Variants in JHY observed in about 807,000 individuals in gnomAD.
JHY encodes jhy protein homolog.
Under a neutral mutation model 78.0 loss-of-function variants are expected in JHY, and 69 were observed. The ratio of observed to expected loss-of-function variants is 0.88; its 90% CI spans 0.73 to 1.08. The LOEUF is 1.08. JHY is among the 50% of genes least tolerant of loss of function. JHY has a pLI of 0.00. For missense variants in JHY, 944 were observed against 927.8 expected (o/e 1.02, Z -0.23); for synonymous variants, 368 against 342.6 (o/e 1.07, Z -0.82).
At position 122,959,604 on chromosome 11, in the gene JHY, T is replaced by C; in HGVS notation, c.*159T>C. The C allele has an allele frequency of 3.0e-6, 2 of 659,888 alleles. No homozygotes were observed. Among genetic ancestry groups the C allele is most frequent in the Non-Finnish European group, 2.5e-6 (1 of 400,816 alleles). The allele number at this position is 659,888 out of a possible 1,614,324, so 40.9% of individuals were successfully genotyped here. On this transcript the variant is annotated 3_prime_UTR_variant, in exon 9 of 9. Coordinates refer to ENST00000227349, the MANE Select transcript of JHY (RefSeq NM_024806.4). ...CAGGATTTAAAATATGAGGCCCAAT[T>C]GGATTATGGTGCCATATTTTACTTT...
rs143136844 is a variant in JHY, at chr11:122,897,045, C to T, written c.345-6880C>T. The stretch of plus-strand genomic sequence containing the variant: ...CTAATTTTTGTATTTTTAGTAGAGA[C>T]GGGGTTTCACCATGTTGGCCGTGCT... On this transcript the variant is annotated intron_variant, in intron 2 of 8. Transcript: ENST00000227349. 7.2e-3 allele frequency among the ~76,000 whole-genome samples: 1,093 copies of T among 150,778 alleles called. 13 individuals are homozygous for T. Among genetic ancestry groups the T allele is most frequent in the Non-Finnish European group, 0.011 (774 of 67,690 alleles).
Position 122,961,527 on chromosome 11 carries a change from A to G in JHY, c.*2082A>G, listed in dbSNP as rs1000191730. On this transcript the variant is annotated 3_prime_UTR_variant, in exon 9 of 9. Transcript: ENST00000227349. ...GCACTACCACGCCCGGCTAATTTTT[A>G]TACTTTTAGTAGAGGCAGGGTTTCG... Among the ~76,000 whole-genome samples, 1 of 152,000 alleles carries G rather than the reference A, an allele frequency of 6.6e-6. No individual in the cohort carries two copies. Among genetic ancestry groups the G allele is most frequent in the Non-Finnish European group, 1.5e-5 (1 of 67,992 alleles).
intron 4 of JHY, among the ~76,000 whole-genome samples, chr11:122,927,462 A>C (rs1435632103): frequency 6.6e-6 from 1 of 152,174 alleles, no homozygotes; most frequent in East Asian, 1.9e-4. Context: ...TGGACTGCCC[A>C]CTGCATGCTA....
rs1292505530 is a variant in JHY, at chr11:122,916,791, A to G, written c.865-8106A>G. Among the ~76,000 whole-genome samples, 6 of 152,150 alleles carry G rather than the reference A, an allele frequency of 3.9e-5. No individual in the cohort carries two copies. In the East Asian group the frequency reaches 7.7e-4, roughly 20 times the overall value. ...GTAGCTGGGATTACAGGCGCCTGCC[A>G]TGACGCCCAGCTAAATTTTGTATTT... On this transcript the variant is annotated intron_variant, in intron 3 of 8. Transcript: ENST00000227349.
intron 5 of JHY, among the ~76,000 whole-genome samples, chr11:122,942,336 T>G (rs187248226): frequency 6.6e-6 from 1 of 152,308 alleles, no homozygotes; most frequent in Non-Finnish European, 1.5e-5. Context: ...TTGGTTTTGT[T>G]TTCTCTTTTA....
intron 6 of JHY, among the ~76,000 whole-genome samples, chr11:122,948,273 G>A (rs1471011915): frequency 4.0e-5 from 6 of 151,696 alleles, no homozygotes; most frequent in East Asian, 1.9e-4. Flanking sequence ...GTGAAACTCC[G>A]TCTCTACTAA....
At chr11:122,930,182 G>A (rs1863606853) in intron 4 of JHY, among the ~76,000 whole-genome samples, 1 of 152,200 alleles carries the variant, frequency 6.6e-6, no homozygotes, top group African/African-American at 2.4e-5. Context: ...CCAGGTGCAA[G>A]CGATTCTCCT....
intron 2 of JHY, among the ~76,000 whole-genome samples, chr11:122,889,087 A>G (rs1006917975): frequency 6.6e-6 from 1 of 152,180 alleles, no homozygotes; most frequent in African/African-American, 2.4e-5. Flanking sequence ...AGTGCCTGCA[A>G]GTTACCAGTC....
At chr11:122,928,553 G>GAAAA (rs370330908) in intron 4 of JHY, among the ~76,000 whole-genome samples, 1 of 136,284 alleles carries the variant, frequency 7.3e-6, no homozygotes, top group Non-Finnish European at 1.6e-5. Context: ...AAGATACGGG[G>GAAAA]AAAAAAAAAA....
intron 3 of JHY, among the ~76,000 whole-genome samples, chr11:122,911,028 T>A (rs532752620): frequency 6.6e-6 from 1 of 152,332 alleles, no homozygotes; most frequent in African/African-American, 2.4e-5. Flanking sequence ...AATAATCAGT[T>A]CTTACTTTTA....
chr11:122,903,890 C>T, intron 2 of JHY, 35 bp from the exon 3 acceptor site: 1 of 1,527,546 alleles, frequency 6.5e-7, no homozygotes, highest in Non-Finnish European at 8.8e-7. Flanking sequence ...TTTATTTCAA[C>T]TAAGGACTTG....
At chr11:122,951,357 C>G (rs909685591) in intron 6 of JHY, among the ~76,000 whole-genome samples, 7 of 152,188 alleles carry the variant, frequency 4.6e-5, no homozygotes, top group African/African-American at 1.7e-4. Flanking sequence ...AGTTTGCTGA[C>G]AGCTAACTGT....
chr11:122,951,384 T>C (rs941669961), intron 6 of JHY, among the ~76,000 whole-genome samples: 7 of 152,208 alleles, frequency 4.6e-5, no homozygotes, highest in African/African-American at 1.7e-4. Context: ...CTGAAGTAAT[T>C]AACTCATGTG....
chr11:122,930,727 T>G (rs1863618774), intron 4 of JHY, among the ~76,000 whole-genome samples: 1 of 152,184 alleles, frequency 6.6e-6, no homozygotes, highest in Non-Finnish European at 1.5e-5. Context: ...CAAATCCTGC[T>G]TAGGTTGTGT....
In JHY at chr11:122,960,229, G is replaced by A. The variant is rs1239098962; in HGVS notation, c.*784G>A. 2.0e-5 allele frequency: 3 copies of A among 152,912 alleles called. No homozygotes were observed. Among genetic ancestry groups the A allele is most frequent in the African/African-American group, 7.2e-5 (3 of 41,584 alleles). The allele number at this position is 152,912 out of a possible 1,614,324, so 9.5% of individuals were successfully genotyped here. On this transcript the variant is annotated 3_prime_UTR_variant, in exon 9 of 9. Coordinates refer to ENST00000227349, the MANE Select transcript of JHY (RefSeq NM_024806.4). The stretch of plus-strand genomic sequence containing the variant: ...AGCCTGGGCAACAAAGCAAGACTCT[G>A]TCTGAACAACAACAACAAAAGGTTC...
rs761904218 is a variant in JHY, at chr11:122,946,732, T to A, written c.1869T>A (p.Ser623=). 1 of 1,614,138 alleles carries A rather than the reference T, an allele frequency of 6.2e-7. No homozygotes were observed. The highest frequency in any genetic ancestry group is 1.1e-5 in the South Asian group (1 of 91,062). Residue 623 remains serine, a synonymous_variant, in exon 6 of 9, where the codon TCT becomes TCA. Coordinates refer to ENST00000227349, the MANE Select transcript of JHY (RefSeq NM_024806.4). ...RNQVKISRSN[S]EGYLFQLEKG... ...AAGTGAAAATTAGCCGTAGCAATTC[T>A]GAAGGCTATCTGTTTCAACTGGAAA...
At chr11:122,889,055 G>A (rs942531046) in intron 2 of JHY, among the ~76,000 whole-genome samples, 2 of 152,116 alleles carry the variant, frequency 1.3e-5, no homozygotes, top group Non-Finnish European at 2.9e-5. Flanking sequence ...TGGGCGACTG[G>A]ACATCTTCAA....
At chr11:122,943,525 A>G (rs1036278644) in intron 5 of JHY, among the ~76,000 whole-genome samples, 15 of 152,144 alleles carry the variant, frequency 9.9e-5, no homozygotes, top group Middle Eastern at 3.2e-3. Context: ...TGTTTGATAT[A>G]TCAGTTACTG....
At chr11:122,942,957 C>T (rs1863903439) in intron 5 of JHY, among the ~76,000 whole-genome samples, 1 of 152,212 alleles carries the variant, frequency 6.6e-6, no homozygotes, top group South Asian at 2.1e-4. Flanking sequence ...TCACTGCAGT[C>T]TCCAACTCCT....
Sources: gnomAD v4.1 joint callset for allele counts (sites outside exome capture counted in the v4.1 genomes callset) on GRCh38, gnomAD v4.1.1 for gene constraint, MANE v1.5 for transcripts, NCBI Gene and HGNC (gene_info 2026-07-23, HGNC 2026-07-21) for gene names.